The following TRIM51G variants were observed in gnomAD, a reference collection of about 807,000 sequenced individuals.
TRIM51G encodes the protein tripartite motif-containing 51G.
At chr11:48,978,952 C>T in the TRIM51G span, 29 of 1,587,222 alleles carry the variant, frequency 1.8e-5, no homozygotes, top group African/African-American at 2.7e-4. Flanking sequence ...CTGGAATGTT[C>T]CATTCTGGCT....
At chr11:48,980,555 A>G in the TRIM51G span, among the ~76,000 whole-genome samples, 2 of 152,132 alleles carry the variant, frequency 1.3e-5, no homozygotes, top group African/African-American at 4.8e-5. Flanking sequence ...GCCTTAGAAG[A>G]GTCACCTGAA....
At chr11:48,983,391 A>T in the TRIM51G span, among the ~76,000 whole-genome samples, 6 of 151,932 alleles carry the variant, frequency 3.9e-5, no homozygotes, top group Non-Finnish European at 8.8e-5. Flanking sequence ...TAATGTTATG[A>T]AAGCACATTT....
chr11:48,977,913 T>C, the TRIM51G span, among the ~76,000 whole-genome samples: 1 of 151,818 alleles, frequency 6.6e-6, no homozygotes, highest in Non-Finnish European at 1.5e-5. Context: ...TTTATTTATT[T>C]ATTTATTTAT....
At chr11:48,975,887 T>C in the TRIM51G span, 1 of 821,702 alleles carries the variant, frequency 1.2e-6, no homozygotes, top group African/African-American at 1.7e-5. Flanking sequence ...CATTCAGATT[T>C]ATCAGTGATA....
At chr11:48,981,322 C>A in the TRIM51G span, 1 of 1,606,576 alleles carries the variant, frequency 6.2e-7, no homozygotes, top group Non-Finnish European at 8.5e-7. Flanking sequence ...GGGACAGTGT[C>A]TGTGATTCCG....
chr11:48,980,854 C>A, the TRIM51G span: 1 of 458,758 alleles, frequency 2.2e-6, no homozygotes, highest in African/African-American at 2.0e-5. Flanking sequence ...TTAAGAGTCA[C>A]CCATTTGTTC....
At chr11:48,977,950 T>C in the TRIM51G span, among the ~76,000 whole-genome samples, 3 of 151,854 alleles carry the variant, frequency 2.0e-5, no homozygotes, top group Admixed American at 6.6e-5. Context: ...AGAACTTTCA[T>C]TGAACTGCTT....
At chr11:48,978,416 T>G in the TRIM51G span, among the ~76,000 whole-genome samples, 3 of 152,144 alleles carry the variant, frequency 2.0e-5, no homozygotes, top group African/African-American at 4.8e-5. Flanking sequence ...TATGCTCTGC[T>G]GTAACCATGA....
At chr11:48,976,467 T>A in the TRIM51G span, among the ~76,000 whole-genome samples, 1 of 152,216 alleles carries the variant, frequency 6.6e-6, no homozygotes, top group African/African-American at 2.4e-5. Context: ...TAAGGCAGAT[T>A]TTTGCAAAAT....
At chr11:48,981,286 C>T in the TRIM51G span, 28 of 1,604,802 alleles carry the variant, frequency 1.7e-5, no homozygotes, top group Middle Eastern at 2.3e-4. Flanking sequence ...ATCACTTACC[C>T]GGCGTTCCTC....
the TRIM51G span, chr11:48,979,188 A>G: frequency 7.9e-6 from 5 of 629,724 alleles, no homozygotes; most frequent in Non-Finnish European, 1.5e-5. Context: ...TGAACACCCA[A>G]TATTTTAATC....
chr11:48,980,991 A>G, the TRIM51G span: 1 of 560,208 alleles, frequency 1.8e-6, no homozygotes, highest in Non-Finnish European at 3.5e-6. Flanking sequence ...CATTTTTCTT[A>G]GGAGCTCCTC....
chr11:48,982,216 A>C, the TRIM51G span, among the ~76,000 whole-genome samples: 2 of 152,278 alleles, frequency 1.3e-5, no homozygotes, highest in South Asian at 4.1e-4. Context: ...AAACAAAAAG[A>C]CAACAATTAA....
chr11:48,978,335 T>A, the TRIM51G span, among the ~76,000 whole-genome samples: 6 of 152,150 alleles, frequency 3.9e-5, no homozygotes, highest in Admixed American at 3.3e-4. Context: ...GTCATGAATT[T>A]ATGTCCTGAT....
chr11:48,982,471 G>A, the TRIM51G span, among the ~76,000 whole-genome samples: 2 of 152,068 alleles, frequency 1.3e-5, no homozygotes, highest in Non-Finnish European at 2.9e-5. Context: ...GTCTGTGAAG[G>A]TGTTTGCAGA....
chr11:48,983,295 C>T, the TRIM51G span, among the ~76,000 whole-genome samples: 1 of 145,954 alleles, frequency 6.9e-6, no homozygotes. Context: ...TAAGCTAGGG[C>T]ATTTTGGAGA....
chr11:48,981,879 C>G, the TRIM51G span, among the ~76,000 whole-genome samples: 3 of 152,138 alleles, frequency 2.0e-5, no homozygotes, highest in Non-Finnish European at 4.4e-5. Context: ...GGCTTTATAG[C>G]AGACACTACT....
the TRIM51G span, among the ~76,000 whole-genome samples, chr11:48,979,294 G>A: frequency 6.6e-6 from 1 of 152,006 alleles, no homozygotes; most frequent in Non-Finnish European, 1.5e-5. Flanking sequence ...ATATTTACTT[G>A]ATTAATGATA....
At chr11:48,980,399 A>G in the TRIM51G span, among the ~76,000 whole-genome samples, 1 of 152,064 alleles carries the variant, frequency 6.6e-6, no homozygotes, top group Non-Finnish European at 1.5e-5. Context: ...TTTTCCCTTT[A>G]TATGTGTTAT....
Sources: gnomAD v4.1 joint callset for allele counts (sites outside exome capture counted in the v4.1 genomes callset) on GRCh38, gnomAD v4.1.1 for gene constraint, MANE v1.5 for transcripts, NCBI Gene and HGNC (gene_info 2026-07-23, HGNC 2026-07-21) for gene names.